Variants in AGTPBP1 observed in about 807,000 individuals in gnomAD.
AGTPBP1 encodes the protein cytosolic carboxypeptidase 1.
Under a neutral mutation model 143.9 loss-of-function variants are expected in AGTPBP1, and 70 were observed. The observed-to-expected ratio is 0.49, with a 90% CI of 0.40 to 0.59. The LOEUF (loss-of-function observed/expected upper bound fraction) is 0.59, where lower values mean the gene tolerates loss of function less well. AGTPBP1 is among the 20% of genes least tolerant of loss of function. AGTPBP1 has a pLI of 0.00. For synonymous variants in AGTPBP1, 463 were observed against 500.2 expected (o/e 0.93, Z 0.99); for missense variants, 1,229 against 1,464.5 (o/e 0.84, Z 2.62).
intron 17 of AGTPBP1, among the ~76,000 whole-genome samples, chr9:85,599,520 T>C (rs56397515): frequency 0.071 from 10,782 of 152,158 alleles, 1,273 homozygotes; most frequent in African/African-American, 0.24. Flanking sequence ...TTTCTAACAC[T>C]ATATTAAATG....
chr9:85,766,327 A>G, the AGTPBP1 span, among the ~76,000 whole-genome samples: 1 of 152,172 alleles, frequency 6.6e-6, no homozygotes. Flanking sequence ...TCATCAAGGC[A>G]GCCTCAGTAG....
chr9:85,765,285 T>C, the AGTPBP1 span, among the ~76,000 whole-genome samples: 3 of 152,260 alleles, frequency 2.0e-5, no homozygotes, highest in South Asian at 6.2e-4. Context: ...TTTCTCTATA[T>C]ATATTTCTTG....
chr9:85,671,188 TCCTTCTGC>T (rs1192766141), intron 7 of AGTPBP1, among the ~76,000 whole-genome samples: 3 of 152,038 alleles, frequency 2.0e-5, no homozygotes, highest in South Asian at 4.2e-4. Flanking sequence ...CCTCAAGCGG[TCCTTCTGC>T]CTAGCCTCTG....
the AGTPBP1 span, among the ~76,000 whole-genome samples, chr9:85,783,313 A>G: frequency 7.2e-5 from 11 of 152,288 alleles, no homozygotes; most frequent in African/African-American, 2.2e-4. Context: ...TCTATTTTTG[A>G]CTATAAAAAT....
intron 14 of AGTPBP1, among the ~76,000 whole-genome samples, chr9:85,627,897 TA>T (rs1429174039): frequency 9.9e-5 from 15 of 152,248 alleles, no homozygotes; most frequent in African/African-American, 3.6e-4. Context: ...CTGTTTACAT[TA>T]CTGGTAAGGC....
At chr9:85,777,867 A>G in the AGTPBP1 span, among the ~76,000 whole-genome samples, 1 of 152,196 alleles carries the variant, frequency 6.6e-6, no homozygotes, top group Non-Finnish European at 1.5e-5. Context: ...CACTGTTCGA[A>G]GTTCTGCCCA....
chr9:85,731,876 T>A (rs1838905011), intron 1 of AGTPBP1, among the ~76,000 whole-genome samples: 1 of 152,232 alleles, frequency 6.6e-6, no homozygotes, highest in Admixed American at 6.5e-5. Flanking sequence ...GTATCTTTCC[T>A]GATCATGCAT....
At chr9:85,565,034 G>A (rs1394395070) in intron 25 of AGTPBP1, among the ~76,000 whole-genome samples, 1 of 152,150 alleles carries the variant, frequency 6.6e-6, no homozygotes, top group East Asian at 1.9e-4. Context: ...CACCAAATCA[G>A]CCATTGCCTT....
At chr9:85,602,036 C>T (rs976699477) in intron 17 of AGTPBP1, among the ~76,000 whole-genome samples, 2 of 151,938 alleles carry the variant, frequency 1.3e-5, no homozygotes, top group Non-Finnish European at 2.9e-5. Context: ...TTGGAAGATG[C>T]GACTGTTATA....
intron 12 of AGTPBP1, among the ~76,000 whole-genome samples, chr9:85,644,286 T>C (rs1023398982): frequency 4.6e-5 from 7 of 151,974 alleles, no homozygotes. Context: ...ACCAATAATG[T>C]AATAATTTTC....
intron 14 of AGTPBP1, among the ~76,000 whole-genome samples, chr9:85,623,412 G>A (rs528299755): frequency 4.4e-4 from 67 of 152,130 alleles, no homozygotes; most frequent in African/African-American, 1.2e-3. Flanking sequence ...TATTAGACTA[G>A]ATCTAAAATA....
chr9:85,690,158 G>A (rs112818119), intron 3 of AGTPBP1, among the ~76,000 whole-genome samples: 12 of 152,010 alleles, frequency 7.9e-5, no homozygotes, highest in African/African-American at 2.9e-4. Flanking sequence ...CTTTGTTGTT[G>A]TTTTCATTAG....
the AGTPBP1 span, chr9:85,753,216 CA>C: frequency 5.3e-6 from 8 of 1,514,300 alleles, no homozygotes; most frequent in East Asian, 2.4e-5. Flanking sequence ...ATCTTGTCTC[CA>C]AAAAAAGAAA....
intron 14 of AGTPBP1, among the ~76,000 whole-genome samples, chr9:85,622,619 A>G (rs62566936): frequency 0.016 from 2,470 of 152,274 alleles, 29 homozygotes; most frequent in Middle Eastern, 0.055. Context: ...ATAAAAAATA[A>G]CTCATTACTG....
chr9:85,593,494 C>T (rs1829102340), intron 18 of AGTPBP1, among the ~76,000 whole-genome samples: 1 of 152,166 alleles, frequency 6.6e-6, no homozygotes, highest in African/African-American at 2.4e-5. Flanking sequence ...TAGAGGCAAT[C>T]GGGGAAGTCT....
At chr9:85,645,549 T>G (rs545895349) in intron 12 of AGTPBP1, among the ~76,000 whole-genome samples, 15 of 152,288 alleles carry the variant, frequency 9.8e-5, no homozygotes, top group African/African-American at 3.6e-4. Flanking sequence ...TCCAATATCT[T>G]AACTTCTATC....
intron 7 of AGTPBP1, 104 bp downstream of exon 7, chr9:85,672,446 T>C (rs1834545374): frequency 1.5e-6 from 2 of 1,312,810 alleles, no homozygotes; most frequent in Non-Finnish European, 2.1e-6. Context: ...ATCTTCTCTT[T>C]CCTTTTTCAC....
At chr9:85,759,693 A>G in the AGTPBP1 span, among the ~76,000 whole-genome samples, 1 of 152,234 alleles carries the variant, frequency 6.6e-6, no homozygotes, top group East Asian at 1.9e-4. Flanking sequence ...TTAACAGCCT[A>G]ACATCACAAT....
At chr9:85,782,993 T>C in the AGTPBP1 span, among the ~76,000 whole-genome samples, 1 of 152,140 alleles carries the variant, frequency 6.6e-6, no homozygotes. Flanking sequence ...AAGTCTACTG[T>C]CAAATTTGAG....
Sources: allele counts gnomAD v4.1 joint callset (sites outside exome capture counted in the v4.1 genomes callset), GRCh38; gene constraint gnomAD v4.1.1; transcripts MANE v1.5; gene names NCBI Gene and HGNC (gene_info 2026-07-23, HGNC 2026-07-21).